TRPM1: variants seen among roughly 807,000 people sequenced by gnomAD.
The protein encoded by TRPM1 is TRPM1-203 APA Isoform, Intron 10.
In TRPM1, 113 loss-of-function variants were observed where a neutral mutation model predicts 149.4. The observed-to-expected ratio is 0.76, with a 90% CI of 0.65 to 0.88. TRPM1 has a LOEUF of 0.88. Among genes scored for constraint, TRPM1 ranks in the 40% least tolerant of loss-of-function variants. The pLI, the probability that TRPM1 is intolerant of heterozygous loss-of-function variation, is 0.00. For synonymous variants in TRPM1, 741 were observed against 759.5 expected (o/e 0.98, Z 0.40); for missense variants, 1,976 against 2,038.7 (o/e 0.97, Z 0.59).
intron 18 of TRPM1, among the ~76,000 whole-genome samples, chr15:31,038,922 C>T (rs953015434): frequency 6.6e-6 from 1 of 151,224 alleles, no homozygotes; most frequent in African/African-American, 2.4e-5. Flanking sequence ...GAAGGACTAA[C>T]ATGGGCTCGG....
intron 23 of TRPM1, among the ~76,000 whole-genome samples, chr15:31,030,616 T>C (rs969631653): frequency 6.6e-6 from 1 of 152,174 alleles, no homozygotes; most frequent in African/African-American, 2.4e-5. Flanking sequence ...GAAGTATCAG[T>C]TACTCTGCTC....
At chr15:31,066,657 C>A (rs374249799) in intron 6 of TRPM1, among the ~76,000 whole-genome samples, 2 of 152,068 alleles carry the variant, frequency 1.3e-5, no homozygotes, top group Non-Finnish European at 2.9e-5. Context: ...AACCTGGACG[C>A]GTGTTCAGAG....
intron 1 of TRPM1, among the ~76,000 whole-genome samples, chr15:31,111,086 C>G (rs983922175): frequency 6.6e-6 from 1 of 152,128 alleles, no homozygotes; most frequent in Non-Finnish European, 1.5e-5. Flanking sequence ...AAACCAGTGA[C>G]TCTGTAGTGG....
chr15:31,151,331 C>G (rs947944695), intron 1 of TRPM1, among the ~76,000 whole-genome samples: 17 of 152,330 alleles, frequency 1.1e-4, no homozygotes, highest in African/African-American at 4.1e-4. Context: ...ACCCCTCTCC[C>G]TCACTCTCAG....
chr15:31,020,121 A>C (rs1243292805), intron 27 of TRPM1, among the ~76,000 whole-genome samples: 1 of 152,240 alleles, frequency 6.6e-6, no homozygotes, highest in Admixed American at 6.5e-5. Context: ...AATTCAAGTC[A>C]TCTAATCATT....
At chr15:31,032,284 C>G (rs959714377) in intron 22 of TRPM1, among the ~76,000 whole-genome samples, 5 of 151,736 alleles carry the variant, frequency 3.3e-5, no homozygotes, top group African/African-American at 1.2e-4. Context: ...AATAATAAAT[C>G]AGAAGGAATA....
chr15:31,010,093 G>A (rs944865672), intron 27 of TRPM1, among the ~76,000 whole-genome samples: 8 of 152,166 alleles, frequency 5.3e-5, no homozygotes, highest in African/African-American at 1.9e-4. Context: ...TACTCCAAAT[G>A]ATTTTGGATT....
chr15:31,049,470 A>G lies in TRPM1; in HGVS notation c.1477T>C (p.Leu493=). The G allele has an allele frequency of 6.2e-7, 1 of 1,614,196 alleles. No homozygotes were observed. The highest frequency in any genetic ancestry group is 8.5e-7 in the Non-Finnish European group (1 of 1,180,044). The change falls in exon 13 of 28, where the codon TTA becomes CTA. Residue 493 remains leucine (L), a synonymous_variant. Transcript: ENST00000256552. ...AGCTTCACAAAGTCGACACGATCTAAGACTAAAGCATCTAGCATCGCTTGC... is the reference window on the plus strand; with the variant it reads ...AGCTTCACAAAGTCGACACGATCTAGGACTAAAGCATCTAGCATCGCTTGC... ...LEQAMLDALV[L]DRVDFVKLLI... is the part of the protein sequence containing the mutation.
intron 2 of TRPM1, 26 bp from the exon 3 acceptor site, chr15:31,077,010 T>C: frequency 1.3e-6 from 2 of 1,497,324 alleles, no homozygotes; most frequent in Non-Finnish European, 1.9e-6. Flanking sequence ...AAGTGGATAT[T>C]GGACCAATAC....
At chr15:31,042,311 T>C in intron 16 of TRPM1, 68 bp from the exon 17 acceptor site, 1 of 1,511,564 alleles carries the variant, frequency 6.6e-7, no homozygotes, top group Non-Finnish European at 8.9e-7. Flanking sequence ...CCAGAACTCC[T>C]GGAGAAAGGG....
chr15:31,111,569 C>T (rs2035689932), intron 1 of TRPM1, among the ~76,000 whole-genome samples: 1 of 152,176 alleles, frequency 6.6e-6, no homozygotes, highest in Non-Finnish European at 1.5e-5. Flanking sequence ...TTGTTGATAG[C>T]AGCAGACTGC....
intron 1 of TRPM1, among the ~76,000 whole-genome samples, chr15:31,108,491 T>G: frequency 6.6e-6 from 1 of 152,202 alleles, no homozygotes; most frequent in Admixed American, 6.5e-5. Context: ...GAGACTCTTT[T>G]TCTTTATTTT....
At chr15:31,096,070 A>G (rs1270610884) in intron 1 of TRPM1, among the ~76,000 whole-genome samples, 1 of 6,470 alleles carries the variant, frequency 1.5e-4, no homozygotes, top group Admixed American at 2.2e-3. Context: ...TAAAAATAGA[A>G]AAGAAAAGAA....
chr15:31,146,561 C>A (rs549932003), intron 1 of TRPM1, among the ~76,000 whole-genome samples: 3 of 152,228 alleles, frequency 2.0e-5, no homozygotes, highest in Non-Finnish European at 4.4e-5. Flanking sequence ...CAATTTCAGT[C>A]TTCAGTCAGC....
chr15:31,032,624 G>T, intron 22 of TRPM1, 65 bp downstream of exon 22: 3 of 1,597,400 alleles, frequency 1.9e-6, no homozygotes, highest in Non-Finnish European at 1.7e-6. Flanking sequence ...CATGCCCAAG[G>T]CCTGTTCTTA....
intron 1 of TRPM1, among the ~76,000 whole-genome samples, chr15:31,094,347 G>A (rs1298438549): frequency 2.6e-5 from 4 of 152,106 alleles, no homozygotes; most frequent in Non-Finnish European, 5.9e-5. Context: ...AAAAGAAAAA[G>A]CAGGTAAGTT....
At chr15:31,051,984 C>A (rs2033959576) in intron 11 of TRPM1, among the ~76,000 whole-genome samples, 1 of 152,202 alleles carries the variant, frequency 6.6e-6, no homozygotes, top group South Asian at 2.1e-4. Context: ...GATTCATCTA[C>A]CCCTATGTGC....
At chr15:31,129,945 G>A (rs2035996624) in intron 1 of TRPM1, among the ~76,000 whole-genome samples, 1 of 152,224 alleles carries the variant, frequency 6.6e-6, no homozygotes, top group South Asian at 2.1e-4. Context: ...CTGAGCCTTA[G>A]TTTTCCCATC....
At chr15:31,084,559 G>A (rs1002318496) in intron 1 of TRPM1, among the ~76,000 whole-genome samples, 2 of 152,018 alleles carry the variant, frequency 1.3e-5, no homozygotes, top group Non-Finnish European at 2.9e-5. Flanking sequence ...CTATGCCTCT[G>A]TAATATTCCA....
Sources: allele counts gnomAD v4.1 joint callset (sites outside exome capture counted in the v4.1 genomes callset), GRCh38; gene constraint gnomAD v4.1.1; transcripts MANE v1.5; gene names NCBI Gene and HGNC (gene_info 2026-07-23, HGNC 2026-07-21).